PTPRT: variants seen among roughly 807,000 people sequenced by gnomAD.
PTPRT encodes the protein receptor-type tyrosine-protein phosphatase T.
Under a neutral mutation model 176.8 loss-of-function variants are expected in PTPRT, and 56 were observed. The observed-to-expected ratio is 0.32, with a 90% CI of 0.26 to 0.40. The LOEUF (loss-of-function observed/expected upper bound fraction) is 0.40, where lower values mean the gene tolerates loss of function less well. Ranked by LOEUF, PTPRT falls within the 10% of genes least tolerant of loss-of-function variation. The pLI, the probability that PTPRT is intolerant of heterozygous loss-of-function variation, is 1.00. For synonymous variants in PTPRT, 783 were observed against 739.0 expected (o/e 1.06, Z -0.96); for missense variants, 1,540 against 1,908.2 (o/e 0.81, Z 3.60).
intron 7 of PTPRT, among the ~76,000 whole-genome samples, chr20:42,531,196 G>A (rs2072377780): frequency 6.6e-6 from 1 of 152,118 alleles, no homozygotes; most frequent in African/African-American, 2.4e-5. Flanking sequence ...TTTTATTATG[G>A]GCTGTGAAGT....
chr20:42,875,423 C>T (rs1240431754), intron 2 of PTPRT, among the ~76,000 whole-genome samples: 2 of 152,184 alleles, frequency 1.3e-5, no homozygotes, highest in African/African-American at 2.4e-5. Flanking sequence ...TCACTGCAGG[C>T]TAATGTAGTT....
In PTPRT at chr20:43,189,457, G is replaced by A. The variant is rs1304170725; in HGVS notation, c.88+189C>T. Among the ~76,000 whole-genome samples the A allele has an allele frequency of 6.6e-6, 1 of 152,148 alleles. No individual in the cohort carries two copies. Among genetic ancestry groups the A allele is most frequent in the African/African-American group, 2.4e-5 (1 of 41,456 alleles). On this transcript the variant is annotated intron_variant, in intron 1 of 30. Transcript: ENST00000373187. The surrounding 1 kb of genome is among the most constrained non-coding windows in gnomAD (Gnocchi z 5.0). Reference sequence around the variant, plus strand: ...GGGCTGCCGAGGGACGCGAGGGGCCGGGCTCGCTGGCCGGGGCGCGCGGGG... The same window carrying A: ...GGGCTGCCGAGGGACGCGAGGGGCCAGGCTCGCTGGCCGGGGCGCGCGGGG...
chr20:42,184,526 T>C (rs1296763827), intron 16 of PTPRT, among the ~76,000 whole-genome samples: 7 of 106,796 alleles, frequency 6.6e-5, no homozygotes, highest in African/African-American at 2.2e-4. Flanking sequence ...CTCCTTCTTC[T>C]TCTTCTTCCT....
chr20:42,372,276 A>G (rs1354668480), intron 9 of PTPRT, among the ~76,000 whole-genome samples: 1 of 125,626 alleles, frequency 8.0e-6, no homozygotes, highest in Non-Finnish European at 1.6e-5. Context: ...GGTTTTCTTA[A>G]CTCTTTTTTT....
rs1452921573 is a variant in PTPRT at position 42,076,522 on chromosome 20, C to T, written c.*4357G>A. On this transcript the variant is annotated 3_prime_UTR_variant, in exon 31 of 31. Coordinates refer to ENST00000373187, the MANE Select transcript of PTPRT (RefSeq NM_007050.6). ...AACTGGAAGATGCCTTAGTTGAGGTCCCCTCATGAACAGTGAGGTCAGAGC... is the reference window on the plus strand; with the variant it reads ...AACTGGAAGATGCCTTAGTTGAGGTTCCCTCATGAACAGTGAGGTCAGAGC... 2.9e-5 allele frequency: 6 copies of T among 204,108 alleles called. No homozygotes were observed. The highest frequency in any genetic ancestry group is 6.0e-5 in the Non-Finnish European group (6 of 99,606). 12.6% of individuals were successfully genotyped at this position (204,108 alleles called of 1,614,324 possible).
Position 42,848,229 on chromosome 20 carries a change from T to A in PTPRT, c.214+37578A>T, listed in dbSNP as rs74761551. 6.5e-3 allele frequency among the ~76,000 whole-genome samples: 994 copies of A among 152,326 alleles called. 19 individuals are homozygous for A. The highest frequency in any genetic ancestry group is 0.022 in the African/African-American group (921 of 41,564). ...TGCCATAATTTCTTCATCCACTTGT[T>A]GATTGATGGAGTTTAGGGCTGGTTT... is the stretch of plus-strand genomic sequence containing the variant. On this transcript the variant is annotated intron_variant, in intron 2 of 30. Transcript: ENST00000373187.
intron 1 of PTPRT, among the ~76,000 whole-genome samples, chr20:42,914,482 C>A (rs775069814): frequency 1.3e-5 from 2 of 152,184 alleles, no homozygotes; most frequent in East Asian, 3.8e-4. Context: ...TGCATCCATA[C>A]AATAAAATAC....
intron 1 of PTPRT, among the ~76,000 whole-genome samples, chr20:43,087,461 T>G (rs1486113952): frequency 6.7e-6 from 1 of 149,606 alleles, no homozygotes; most frequent in Non-Finnish European, 1.5e-5. Context: ...CCTCTCAGAT[T>G]CAAGTGATCC....
intron 9 of PTPRT, among the ~76,000 whole-genome samples, chr20:42,419,930 C>T (rs891819151): frequency 6.6e-6 from 1 of 152,162 alleles, no homozygotes; most frequent in South Asian, 2.1e-4. Context: ...TGGAGCAATG[C>T]AGCCACAAGC....
chr20:42,614,256 C>G (rs759524005), intron 7 of PTPRT, among the ~76,000 whole-genome samples: 2 of 152,108 alleles, frequency 1.3e-5, no homozygotes, highest in Admixed American at 1.3e-4. Context: ...TGTAAGGACA[C>G]CTGTCACAAT....
chr20:42,126,291 C>A (rs1017622972), intron 19 of PTPRT, among the ~76,000 whole-genome samples: 2 of 152,178 alleles, frequency 1.3e-5, no homozygotes, highest in Non-Finnish European at 2.9e-5. Flanking sequence ...TGTCATTGCT[C>A]ACTGTGATTA....
intron 1 of PTPRT, among the ~76,000 whole-genome samples, chr20:42,951,250 G>A (rs1453183203): frequency 6.6e-6 from 1 of 152,064 alleles, no homozygotes; most frequent in African/African-American, 2.4e-5. Context: ...TGGATTCATG[G>A]AGGGGTGGAT....
chr20:42,741,725 A>G (rs1189326227), intron 6 of PTPRT, among the ~76,000 whole-genome samples: 1 of 152,112 alleles, frequency 6.6e-6, no homozygotes, highest in Non-Finnish European at 1.5e-5. Flanking sequence ...TCTTATGGTC[A>G]TGGTTGGATA....
At chr20:42,417,250 C>T (rs908901867) in intron 9 of PTPRT, among the ~76,000 whole-genome samples, 1 of 152,106 alleles carries the variant, frequency 6.6e-6, no homozygotes, top group Non-Finnish European at 1.5e-5. Flanking sequence ...CAGGTAAATG[C>T]AAACACTGGA....
At chr20:42,060,462 C>T in the PTPRT span, among the ~76,000 whole-genome samples, 1 of 152,208 alleles carries the variant, frequency 6.6e-6, no homozygotes, top group South Asian at 2.1e-4. Flanking sequence ...ACCCAAATCT[C>T]CTCCTGAATT....
chr20:43,005,824 A>G (rs112944003), intron 1 of PTPRT, among the ~76,000 whole-genome samples: 44 of 152,342 alleles, frequency 2.9e-4, no homozygotes, highest in African/African-American at 1.1e-3. Flanking sequence ...CTTTTCCTCA[A>G]TCCTCAGAAA....
At chr20:42,204,465 CA>C (rs1355950386) in intron 15 of PTPRT, among the ~76,000 whole-genome samples, 4 of 152,176 alleles carry the variant, frequency 2.6e-5, no homozygotes, top group African/African-American at 9.7e-5. Context: ...ATTTCGCCAG[CA>C]GGGGGTACCA....
intron 1 of PTPRT, among the ~76,000 whole-genome samples, chr20:42,911,648 AATCT>A (rs1978387770): frequency 6.6e-6 from 1 of 152,164 alleles, no homozygotes; most frequent in African/African-American, 2.4e-5. Context: ...TATTCATTTC[AATCT>A]AATTGCAAAA....
intron 11 of PTPRT, among the ~76,000 whole-genome samples, chr20:42,345,796 T>G (rs1298907653): frequency 6.6e-6 from 1 of 151,704 alleles, no homozygotes; most frequent in Non-Finnish European, 1.5e-5. Context: ...AGGAAAGAAC[T>G]ATGAAGGAAC....
Sources: allele counts gnomAD v4.1 joint callset (sites outside exome capture counted in the v4.1 genomes callset), GRCh38; gene constraint gnomAD v4.1.1; non-coding constraint Gnocchi (gnomAD v3.1); transcripts MANE v1.5; gene names NCBI Gene and HGNC (gene_info 2026-07-23, HGNC 2026-07-21).